Variants in LRP6 observed in about 807,000 individuals in gnomAD.
LRP6 encodes the protein low-density lipoprotein receptor-related protein 6.
LRP6 carries 43 observed loss-of-function variants against 184.1 expected under a neutral mutation model. The ratio of observed to expected loss-of-function variants is 0.23; its 90% CI spans 0.18 to 0.30. LRP6 has a LOEUF of 0.30. LRP6 is among the 10% of genes least tolerant of loss of function. The pLI is 1.00. For missense variants in LRP6, 1,571 were observed against 2,005.3 expected, an observed-to-expected ratio of 0.78 and a Z score of 4.14; for synonymous variants, 719 against 684.9, an observed-to-expected ratio of 1.05 and a Z score of -0.78.
At chr12:12,202,656 T>C (rs1863946958) in intron 3 of LRP6, among the ~76,000 whole-genome samples, 1 of 152,222 alleles carries the variant, frequency 6.6e-6, no homozygotes, top group Non-Finnish European at 1.5e-5. Context: ...GAACCGGAGA[T>C]CATAAGCCTA....
intron 7 of LRP6, among the ~76,000 whole-genome samples, chr12:12,171,530 AT>A (rs1565596830): frequency 7.3e-5 from 6 of 82,038 alleles, no homozygotes; most frequent in South Asian, 5.4e-4. Context: ...TCAAAAAAAA[AT>A]AAAATAAATA....
At chr12:12,182,742 T>C (rs1565613502) in intron 5 of LRP6, among the ~76,000 whole-genome samples, 1 of 152,170 alleles carries the variant, frequency 6.6e-6, no homozygotes, top group African/African-American at 2.4e-5. Flanking sequence ...CTTTGTACAA[T>C]TCACTGCCCC....
intron 2 of LRP6, among the ~76,000 whole-genome samples, chr12:12,206,248 A>C (rs781444636): frequency 1.9e-4 from 29 of 152,192 alleles, no homozygotes; most frequent in Non-Finnish European, 3.5e-4. Flanking sequence ...ACCATGTTAC[A>C]ATTTTTCATT....
At chr12:12,264,197 A>G (rs1351181082) in intron 1 of LRP6, among the ~76,000 whole-genome samples, 1 of 152,188 alleles carries the variant, frequency 6.6e-6, no homozygotes, top group East Asian at 1.9e-4. Flanking sequence ...TCATGAAAGC[A>G]TTTGAGGATA....
At chr12:12,231,208 A>AAAAG (rs1864779286) in intron 2 of LRP6, among the ~76,000 whole-genome samples, 1 of 150,116 alleles carries the variant, frequency 6.7e-6, no homozygotes, top group South Asian at 2.1e-4. Flanking sequence ...AAAAAAAAAA[A>AAAAG]GCAGTACATG....
At chr12:12,122,180 T>C (rs1169699822) in intron 22 of LRP6, among the ~76,000 whole-genome samples, 1 of 152,236 alleles carries the variant, frequency 6.6e-6, no homozygotes, top group Non-Finnish European at 1.5e-5. Flanking sequence ...ATACAGTTGT[T>C]AGGTTTGTAG....
chr12:12,211,150 G>A (rs149809510), intron 2 of LRP6: 21 of 152,322 alleles, frequency 1.4e-4, no homozygotes, highest in African/African-American at 5.1e-4. Flanking sequence ...AGATAAAAGA[G>A]TCTGGGCTGG....
intron 22 of LRP6, among the ~76,000 whole-genome samples, chr12:12,122,658 C>T (rs1949620434): frequency 2.0e-5 from 3 of 151,904 alleles, no homozygotes; most frequent in African/African-American, 4.8e-5. Context: ...AGCAAGACCC[C>T]GTCTCTACAA....
At chr12:12,218,968 G>A (rs1864418435) in intron 2 of LRP6, among the ~76,000 whole-genome samples, 1 of 152,088 alleles carries the variant, frequency 6.6e-6, no homozygotes, top group Non-Finnish European at 1.5e-5. Flanking sequence ...GCTGGGTGTG[G>A]TTGCTCACGC....
chr12:12,247,060 C>CA (rs1865205878), intron 1 of LRP6, among the ~76,000 whole-genome samples: 1 of 152,164 alleles, frequency 6.6e-6, no homozygotes, highest in Non-Finnish European at 1.5e-5. Flanking sequence ...ACTTCCCTAA[C>CA]AGAGTCACTT....
chr12:12,187,263 A>G (rs990403074), intron 3 of LRP6, 144 bp from the exon 4 acceptor site: 2 of 685,814 alleles, frequency 2.9e-6, no homozygotes, highest in African/African-American at 3.6e-5. Context: ...AAATACACCT[A>G]TAAAAAATAA....
At chr12:12,218,476 C>CAATAATAAT (rs71435901) in intron 2 of LRP6, among the ~76,000 whole-genome samples, 111 of 140,016 alleles carry the variant, frequency 7.9e-4, no homozygotes, top group East Asian at 1.8e-3. Context: ...GACCCTCTCT[C>CAATAATAAT]AATAATAATA....
intron 12 of LRP6, among the ~76,000 whole-genome samples, chr12:12,156,482 G>A (rs1156603682): frequency 6.6e-6 from 1 of 152,200 alleles, no homozygotes; most frequent in Non-Finnish European, 1.5e-5. Flanking sequence ...GGTCATGTAG[G>A]ACCCAGTAGG....
chr12:12,158,606 A>G (rs1456185830), intron 12 of LRP6, among the ~76,000 whole-genome samples: 1 of 152,100 alleles, frequency 6.6e-6, no homozygotes, highest in African/African-American at 2.4e-5. Flanking sequence ...TTACGGACAT[A>G]AGACAATGGA....
chr12:12,186,711 T>A, intron 4 of LRP6: 1 of 577,706 alleles, frequency 1.7e-6, no homozygotes, highest in Non-Finnish European at 3.1e-6. Flanking sequence ...CAGGCTGGAG[T>A]GCAGTGGCGC....
intron 2 of LRP6, 138 bp downstream of exon 2, chr12:12,244,124 T>A: frequency 2.4e-6 from 2 of 829,444 alleles, no homozygotes; most frequent in Non-Finnish European, 4.0e-6. Flanking sequence ...CATTCAAGTC[T>A]ACTCAACAAA....
At chr12:12,225,569 A>T (rs1243975560) in intron 2 of LRP6, among the ~76,000 whole-genome samples, 3 of 151,986 alleles carry the variant, frequency 2.0e-5, no homozygotes, top group African/African-American at 7.3e-5. Context: ...GAGCTCTACC[A>T]GGTTCTCACA....
intron 2 of LRP6, among the ~76,000 whole-genome samples, chr12:12,230,027 G>A (rs141463121): frequency 1.4e-3 from 212 of 152,214 alleles, no homozygotes; most frequent in African/African-American, 4.8e-3. Flanking sequence ...GTTCATTAGC[G>A]TCCACACAAA....
At chr12:12,259,781 A>G (rs908949939) in intron 1 of LRP6, among the ~76,000 whole-genome samples, 1 of 152,206 alleles carries the variant, frequency 6.6e-6, no homozygotes, top group Non-Finnish European at 1.5e-5. Context: ...TTTCAAAGTT[A>G]CTCATATAAA....
Sources: gnomAD v4.1 joint callset for allele counts (sites outside exome capture counted in the v4.1 genomes callset) on GRCh38, gnomAD v4.1.1 for gene constraint, MANE v1.5 for transcripts, NCBI Gene and HGNC (gene_info 2026-07-23, HGNC 2026-07-21) for gene names.